The following CHRDL2 variants were observed in gnomAD, a reference collection of about 807,000 sequenced individuals.
CHRDL2 encodes the protein chordin like 2.
Under a neutral mutation model 54.3 loss-of-function variants are expected in CHRDL2, and 41 were observed. The observed-to-expected ratio is 0.76, with a 90% CI of 0.59 to 0.98. The LOEUF is 0.98. Among genes scored for constraint, CHRDL2 ranks in the 50% least tolerant of loss-of-function variants. The pLI is 0.00. For synonymous variants in CHRDL2, 220 were observed against 224.3 expected, an observed-to-expected ratio of 0.98 and a Z score of 0.17; for missense variants, 518 against 562.4, an observed-to-expected ratio of 0.92 and a Z score of 0.80.
At chr11:74,698,400 C>G (rs1002769170) in intron 9 of CHRDL2, 3 of 152,118 alleles carry the variant, frequency 2.0e-5, no homozygotes, top group African/African-American at 7.3e-5. Context: ...ACCAAATGAA[C>G]TCCTACCTGT....
chr11:74,714,435 G>A (rs1305809648), intron 2 of CHRDL2, among the ~76,000 whole-genome samples: 1 of 152,134 alleles, frequency 6.6e-6, no homozygotes, highest in Admixed American at 6.5e-5. Flanking sequence ...TTCTAGCCCC[G>A]CTTCTCCCCC....
chr11:74,723,983 G>A (rs960638409), intron 1 of CHRDL2, among the ~76,000 whole-genome samples: 1 of 152,148 alleles, frequency 6.6e-6, no homozygotes, highest in Non-Finnish European at 1.5e-5. Context: ...CTTTTTGTAT[G>A]TCAAATATTA....
intron 4 of CHRDL2, 131 bp from the exon 5 acceptor site, chr11:74,708,526 A>G: frequency 1.5e-6 from 1 of 658,512 alleles, no homozygotes; most frequent in Non-Finnish European, 2.5e-6. Flanking sequence ...AAGCAACAGC[A>G]TCTCCACAGC....
At chr11:74,696,782 T>G (rs1341199667) in intron 10 of CHRDL2, among the ~76,000 whole-genome samples, 197 bp from the exon 11 acceptor site, 1 of 152,172 alleles carries the variant, frequency 6.6e-6, no homozygotes, top group Non-Finnish European at 1.5e-5. Context: ...TCAAACAACC[T>G]TGGGGGACAG....
chr11:74,713,407 G>A lies in CHRDL2; in HGVS notation c.268C>T (p.Gln90Ter). The change falls in exon 3 of 11, where the codon CAA (glutamine) becomes TAA (stop). Residue 90 changes from glutamine to a stop codon, truncating the protein, a stop_gained. Coordinates refer to ENST00000376332, the MANE Select transcript of CHRDL2 (RefSeq NM_001278473.3). LOFTEE classifies it high-confidence loss of function. ...HCPQPVTEPQ[Q>*]CCPKCVEPHT... ...TTACCCACACACTTGGGACAGCATTGCTGTGGCTCCGTCACAGGCTGGGGG... is the reference window on the plus strand; with the variant it reads ...TTACCCACACACTTGGGACAGCATTACTGTGGCTCCGTCACAGGCTGGGGG... The A allele has an allele frequency of 1.2e-6, 2 of 1,614,100 alleles. No homozygotes were observed. The highest frequency in any genetic ancestry group is 1.7e-5 in the Admixed American group (1 of 60,014).
At chr11:74,717,264 G>A (rs561444699) in intron 2 of CHRDL2, among the ~76,000 whole-genome samples, 1 of 152,250 alleles carries the variant, frequency 6.6e-6, no homozygotes, top group Non-Finnish European at 1.5e-5. Context: ...GAGAAGTGGA[G>A]GGATTGAGGG....
At chr11:74,701,745 A>T (rs1159169749) in intron 9 of CHRDL2, 1 of 560,144 alleles carries the variant, frequency 1.8e-6, no homozygotes. Flanking sequence ...AGTGCTACAC[A>T]CATTGGTTAT....
At chr11:74,696,653 T>TG (rs1202371530) in intron 10 of CHRDL2, 68 bp from the exon 11 acceptor site, 1 of 1,224,156 alleles carries the variant, frequency 8.2e-7, no homozygotes, top group Non-Finnish European at 1.2e-6. Flanking sequence ...AGGCAGCAGC[T>TG]GGGGGTTGGA....
chr11:74,707,248 GA>G (rs2034040059), intron 5 of CHRDL2, among the ~76,000 whole-genome samples: 1 of 152,226 alleles, frequency 6.6e-6, no homozygotes, highest in African/African-American at 2.4e-5. Flanking sequence ...CCAGAGAAGG[GA>G]AGGAATTTAT....
At chr11:74,711,305 A>C (rs2034186219) in intron 3 of CHRDL2, among the ~76,000 whole-genome samples, 1 of 152,166 alleles carries the variant, frequency 6.6e-6, no homozygotes, top group South Asian at 2.1e-4. Context: ...GTGGGGCCCG[A>C]GTTAGTTCAT....
chr11:74,714,483 C>T (rs974712408), intron 2 of CHRDL2, among the ~76,000 whole-genome samples: 1 of 152,230 alleles, frequency 6.6e-6, no homozygotes, highest in Non-Finnish European at 1.5e-5. Context: ...GACCTGAGTT[C>T]CCTGATAGCA....
At chr11:74,696,731 G>A in intron 10 of CHRDL2, 146 bp from the exon 11 acceptor site, 1 of 650,128 alleles carries the variant, frequency 1.5e-6, no homozygotes, top group Non-Finnish European at 2.8e-6. Context: ...GGAGGCGAGT[G>A]TGCCATCACA....
At chr11:74,713,893 G>A (rs1029411366) in intron 2 of CHRDL2, among the ~76,000 whole-genome samples, 3 of 152,170 alleles carry the variant, frequency 2.0e-5, no homozygotes, top group Non-Finnish European at 4.4e-5. Flanking sequence ...TGACTGGGAG[G>A]GGGTGTGAGA....
intron 1 of CHRDL2, among the ~76,000 whole-genome samples, chr11:74,722,717 G>A (rs1184743362): frequency 6.6e-6 from 1 of 152,062 alleles, no homozygotes; most frequent in Non-Finnish European, 1.5e-5. Flanking sequence ...ATTTACTACT[G>A]CACCAATCAT....
intron 1 of CHRDL2, among the ~76,000 whole-genome samples, chr11:74,721,888 C>T (rs1268913365): frequency 6.6e-6 from 1 of 152,232 alleles, no homozygotes; most frequent in Admixed American, 6.5e-5. Flanking sequence ...CTCCAAAATT[C>T]TAGGATTCTA....
At chr11:74,697,721 C>A in intron 9 of CHRDL2, 1 of 399,616 alleles carries the variant, frequency 2.5e-6, no homozygotes, top group South Asian at 1.9e-5. Flanking sequence ...CAACACCCAC[C>A]TGTCCCCAGT....
Position 74,697,337 on chromosome 11 carries a change from A to T in CHRDL2, c.1121-40T>A, listed in dbSNP as rs1409272274. ...AAGGATGTGAGCAGGCAAGGCAAAA[A>T]CCTACAGTCGGTGAAAAGTGAAACA... is the stretch of plus-strand genomic sequence containing the variant. On this transcript the variant is annotated intron_variant, in intron 9 of 10. Coordinates refer to ENST00000376332, the MANE Select transcript of CHRDL2 (RefSeq NM_001278473.3). 2.6e-6 allele frequency: 4 copies of T among 1,526,626 alleles called. No individual in the cohort carries two copies. In the South Asian group the frequency reaches 3.4e-5, roughly 13 times the overall value. 94.6% of individuals were successfully genotyped at this position (1,526,626 alleles called of 1,614,324 possible).
At position 74,706,481 on chromosome 11, in the gene CHRDL2, A is replaced by G. The variant is rs1213478450; in HGVS notation, c.582+6T>C. ...CCGCACCCCGTCAATAAGGCCGTGC[A>G]CTCACCACCCCATGGAGCGACTGCA... On this transcript the variant is annotated splice_donor_region_variant and intron_variant, in intron 6 of 10. Coordinates refer to ENST00000376332, the MANE Select transcript of CHRDL2 (RefSeq NM_001278473.3). 2 of 1,613,728 alleles carry G rather than the reference A, an allele frequency of 1.2e-6. No individual in the cohort carries two copies. The highest frequency in any genetic ancestry group is 1.7e-6 in the Non-Finnish European group (2 of 1,179,846).
intron 6 of CHRDL2, among the ~76,000 whole-genome samples, chr11:74,705,970 A>G (rs971761189): frequency 6.6e-6 from 1 of 152,114 alleles, no homozygotes; most frequent in Non-Finnish European, 1.5e-5. Flanking sequence ...ACTTGAATCA[A>G]TGTGTGATTC....
Sources: allele counts gnomAD v4.1 joint callset (sites outside exome capture counted in the v4.1 genomes callset), GRCh38; gene constraint gnomAD v4.1.1; transcripts MANE v1.5; gene names NCBI Gene and HGNC (gene_info 2026-07-23, HGNC 2026-07-21).